Variants in B4GALNT3 observed in about 807,000 individuals in gnomAD.
B4GALNT3 encodes the protein beta-1,4-N-acetyl-galactosaminyltransferase 3, also known as beta-1,4-N-acetylgalactosaminyltransferase 3.
Under a neutral mutation model 120.2 loss-of-function variants are expected in B4GALNT3, and 86 were observed. That is an observed-to-expected ratio of 0.72 (90% CI 0.60 to 0.86). The LOEUF is 0.86. Ranked by LOEUF, B4GALNT3 falls within the 40% of genes least tolerant of loss-of-function variation. The probability of loss-of-function intolerance (pLI) is 0.00; values close to 1 mark genes in which losing one functional copy is unlikely to be tolerated. For missense variants in B4GALNT3, 1,167 were observed against 1,298.9 expected, an observed-to-expected ratio of 0.90 and a Z score of 1.56; for synonymous variants, 518 against 510.4, an observed-to-expected ratio of 1.01 and a Z score of -0.20.
chr12:558,148 A>G, intron 17 of B4GALNT3, 60 bp downstream of exon 17: 2 of 1,570,224 alleles, frequency 1.3e-6, no homozygotes, highest in Non-Finnish European at 1.8e-6. Flanking sequence ...AGGTAGAGAG[A>G]CATTTGGGGT....
At chr12:553,049 TCA>T in intron 13 of B4GALNT3, 143 bp from the exon 14 acceptor site, 1 of 1,207,638 alleles carries the variant, frequency 8.3e-7, no homozygotes, top group South Asian at 1.5e-5. Flanking sequence ...TTGCCCAGGG[TCA>T]CACAGTAAGC....
chr12:516,529 A>G (rs1946658172), intron 1 of B4GALNT3, among the ~76,000 whole-genome samples: 1 of 152,246 alleles, frequency 6.6e-6, no homozygotes, highest in South Asian at 2.1e-4. Flanking sequence ...CGGAGATTTA[A>G]TCTGCAAGGC....
At chr12:554,014 A>G in intron 14 of B4GALNT3, 31 bp downstream of exon 14, 2 of 1,506,594 alleles carry the variant, frequency 1.3e-6, no homozygotes, top group Non-Finnish European at 1.8e-6. Context: ...GGGGCCAGGG[A>G]CTGGGGCACG....
intron 1 of B4GALNT3, among the ~76,000 whole-genome samples, chr12:519,522 G>T (rs546211451): frequency 6.6e-6 from 1 of 151,692 alleles, no homozygotes; most frequent in Non-Finnish European, 1.5e-5. Context: ...TGGCAATAAG[G>T]CTCCCTCCCC....
At chr12:499,385 C>G (rs1198472520) in intron 1 of B4GALNT3, among the ~76,000 whole-genome samples, 2 of 151,550 alleles carry the variant, frequency 1.3e-5, no homozygotes, top group Non-Finnish European at 2.9e-5. Context: ...AGCCCGTGCT[C>G]TCACTATCTA....
intron 3 of B4GALNT3, chr12:540,383 A>G (rs1946902055): frequency 6.6e-6 from 1 of 152,248 alleles, no homozygotes; most frequent in Non-Finnish European, 1.5e-5. Context: ...GCGTTTGTTC[A>G]TTTAAATAAT....
chr12:492,832 T>C (rs1946355816), intron 1 of B4GALNT3, among the ~76,000 whole-genome samples: 1 of 151,986 alleles, frequency 6.6e-6, no homozygotes, highest in African/African-American at 2.4e-5. Context: ...CAACTGGTCT[T>C]TGATAGAAAA....
chr12:523,891 C>G (rs1435231914), intron 1 of B4GALNT3, among the ~76,000 whole-genome samples: 1 of 152,054 alleles, frequency 6.6e-6, no homozygotes, highest in African/African-American at 2.4e-5. Flanking sequence ...GAAACCCCGT[C>G]TCTACTAAAA....
intron 14 of B4GALNT3, among the ~76,000 whole-genome samples, chr12:554,647 A>T (rs374625769): frequency 4.6e-5 from 7 of 151,274 alleles, no homozygotes; most frequent in African/African-American, 1.7e-4. Context: ...AAAATTAGCC[A>T]GGCATAGTGG....
At chr12:511,927 C>T (rs1336281954) in intron 1 of B4GALNT3, among the ~76,000 whole-genome samples, 1 of 140,374 alleles carries the variant, frequency 7.1e-6, no homozygotes, top group South Asian at 2.5e-4. Context: ...TTCCACCTTC[C>T]ACCTTCCACC....
chr12:460,196 A>T lies in B4GALNT3; in HGVS notation c.-181A>T, dbSNP rs1017173634. Among the ~76,000 whole-genome samples the T allele has an allele frequency of 4.0e-5, 6 of 148,762 alleles. No individual in the cohort carries two copies. The highest frequency in any genetic ancestry group is 9.9e-5 in the African/African-American group (4 of 40,608). Reference sequence around the variant, plus strand: ...TGCTGGGCGCCCGCGCAGCCCGGAGACCCCTCGCGCCCGGAGCATGAGCCC... The same window carrying T: ...TGCTGGGCGCCCGCGCAGCCCGGAGTCCCCTCGCGCCCGGAGCATGAGCCC... On this transcript the variant is annotated 5_prime_UTR_variant, in exon 1 of 20. Transcript: ENST00000266383. The surrounding 1 kb of genome is among the most constrained non-coding windows in gnomAD (Gnocchi z 8.0).
At chr12:540,081 G>A (rs1458197755) in intron 3 of B4GALNT3, among the ~76,000 whole-genome samples, 1 of 152,182 alleles carries the variant, frequency 6.6e-6, no homozygotes, top group Non-Finnish European at 1.5e-5. Context: ...CCTTGGTCTT[G>A]CGAGTTTGAC....
At chr12:522,032 CT>C (rs1946715615) in intron 1 of B4GALNT3, among the ~76,000 whole-genome samples, 1 of 152,044 alleles carries the variant, frequency 6.6e-6, no homozygotes, top group Non-Finnish European at 1.5e-5. Context: ...CCTGCCACCC[CT>C]CCTCTTTCCA....
chr12:546,294 G>A (rs934473170), intron 6 of B4GALNT3, among the ~76,000 whole-genome samples: 9 of 151,106 alleles, frequency 6.0e-5, no homozygotes, highest in Non-Finnish European at 7.4e-5. Context: ...CAGAGAGTGC[G>A]GACAGGGAGG....
At chr12:531,454 A>G (rs1464763418) in intron 1 of B4GALNT3, among the ~76,000 whole-genome samples, 1 of 152,012 alleles carries the variant, frequency 6.6e-6, no homozygotes, top group Non-Finnish European at 1.5e-5. Context: ...TTCAAGACCA[A>G]CCTGGACAAC....
At chr12:531,627 G>T (rs1453895096) in intron 1 of B4GALNT3, among the ~76,000 whole-genome samples, 1 of 151,976 alleles carries the variant, frequency 6.6e-6, no homozygotes, top group Non-Finnish European at 1.5e-5. Flanking sequence ...TCCAGCCTGG[G>T]GGATCCTGTC....
chr12:559,428 G>A lies in B4GALNT3; in HGVS notation c.2888+7G>A. 6.2e-7 allele frequency: 1 copy of A among 1,612,994 alleles called. No homozygotes were observed. Among genetic ancestry groups the A allele is most frequent in the Non-Finnish European group, 8.5e-7 (1 of 1,179,184 alleles). ...ACTGGGAGCTGCTGGACAGGTGACT[G>A]GGAAGAGGAGGGCATCCACGAGGCC... is the stretch of plus-strand genomic sequence containing the variant. On this transcript the variant is annotated splice_region_variant and intron_variant, in intron 19 of 19. Transcript: ENST00000266383.
intron 1 of B4GALNT3, among the ~76,000 whole-genome samples, chr12:523,771 A>G (rs1267660964): frequency 6.6e-6 from 1 of 152,158 alleles, no homozygotes; most frequent in Non-Finnish European, 1.5e-5. Flanking sequence ...GATAGAAAAC[A>G]TCAGATATAG....
At position 548,711 on chromosome 12, in the gene B4GALNT3, A is replaced by C. The variant is rs1947038371; in HGVS notation, c.853+414A>C. Among the ~76,000 whole-genome samples, 1 of 152,022 alleles carries C rather than the reference A, an allele frequency of 6.6e-6. No homozygotes were observed. Reference sequence around the variant, plus strand: ...GATTGCTTGAGCCCAGGAGTTCGAGACCAGCCCAGGCCACATAGCGACACC... The same window carrying C: ...GATTGCTTGAGCCCAGGAGTTCGAGCCCAGCCCAGGCCACATAGCGACACC... On this transcript the variant is annotated intron_variant, in intron 9 of 19. Coordinates refer to ENST00000266383, the MANE Select transcript of B4GALNT3 (RefSeq NM_173593.4). This position sits in a 1 kb window ranked among gnomAD's most constrained non-coding sequence, Gnocchi z 4.9.
Sources: allele counts gnomAD v4.1 joint callset (sites outside exome capture counted in the v4.1 genomes callset), GRCh38; gene constraint gnomAD v4.1.1; non-coding constraint Gnocchi (gnomAD v3.1); transcripts MANE v1.5; gene names NCBI Gene and HGNC (gene_info 2026-07-23, HGNC 2026-07-21).